The following MBD1 variants were observed in gnomAD, a reference collection of about 807,000 sequenced individuals.
MBD1 encodes the protein methyl-CpG-binding domain protein 1.
In MBD1, 25 loss-of-function variants were observed where a neutral mutation model predicts 82.6. The observed-to-expected ratio is 0.30, with a 90% confidence interval of 0.22 to 0.42. The LOEUF is 0.42. Among genes scored for constraint, MBD1 ranks in the 10% least tolerant of loss-of-function variants. MBD1 has a pLI of 1.00. For synonymous variants in MBD1, 301 were observed against 303.7 expected (o/e 0.99, Z 0.09); for missense variants, 627 against 819.6 (o/e 0.76, Z 2.87).
chr18:50,268,626 G>C (rs1259934811), downstream of MBD1, among the ~76,000 whole-genome samples: 1 of 152,204 alleles, frequency 6.6e-6, no homozygotes, highest in Non-Finnish European at 1.5e-5. Flanking sequence ...GCCCCCTGGC[G>C]GACCCACCAG....
intron 15 of MBD1, 39 bp from the exon 16 acceptor site, chr18:50,271,579 T>A: frequency 6.2e-7 from 1 of 1,613,300 alleles, no homozygotes; most frequent in Admixed American, 1.7e-5. Context: ...TGAATGAGGT[T>A]TGCTATGTGC....
chr18:50,270,107 C>T (rs1327319698), intron 16 of MBD1: 7 of 1,598,290 alleles, frequency 4.4e-6, no homozygotes, highest in Non-Finnish European at 8.5e-7. Flanking sequence ...AAAGCAGTAT[C>T]AGTCTATCCA....
Position 50,269,643 on chromosome 18 carries a change from A to T in MBD1, c.*208T>A. On this transcript the variant is annotated 3_prime_UTR_variant, in exon 17 of 17. Coordinates refer to ENST00000269468, the MANE Select transcript of MBD1 (RefSeq NM_015846.4). ...CAGATGCATATTTAACTCTGTGAGGAAGGGCACCAGCTTCTTCTGCAGGAC... is the reference window on the plus strand; with the variant it reads ...CAGATGCATATTTAACTCTGTGAGGTAGGGCACCAGCTTCTTCTGCAGGAC... 1 of 742,716 alleles carries T rather than the reference A, an allele frequency of 1.3e-6. No homozygotes were observed. Among genetic ancestry groups the T allele is most frequent in the Non-Finnish European group, 2.5e-6 (1 of 396,720 alleles). 46.0% of individuals were successfully genotyped at this position (742,716 alleles called of 1,614,324 possible). A position where few individuals can be genotyped will look rare whatever the true frequency, so the allele number is the denominator to read the frequency against.
At chr18:50,268,219 C>T (rs569436684), downstream of MBD1, among the ~76,000 whole-genome samples, 3 of 152,030 alleles carry the variant, frequency 2.0e-5, no homozygotes, top group Non-Finnish European at 2.9e-5. Flanking sequence ...ACGCCTTGGG[C>T]CCGAAGTACG....
intron 6 of MBD1, 44 bp from the exon 7 acceptor site, chr18:50,276,025 G>T (rs1261389494): frequency 2.5e-6 from 4 of 1,595,144 alleles, no homozygotes; most frequent in Non-Finnish European, 3.4e-6. Context: ...TGCTCCAGAA[G>T]CACTGGTCCT....
chr18:50,272,878 ATCATCCTTGTTC>A lies in MBD1; in HGVS notation c.1650_1661del (p.Glu550_Asp553del). Reference sequence around the variant, plus strand: ...CCTCTGGGGCCAATTTGGAGGCAGAATCATCCTTGTTCTCCTCCTTGTCCTCCTCTGGGTCAG... The same window carrying A: ...CCTCTGGGGCCAATTTGGAGGCAGAATCCTCCTTGTCCTCCTCTGGGTCAG... On this transcript the variant is annotated inframe_deletion, in exon 14 of 17. Coordinates refer to ENST00000269468, the MANE Select transcript of MBD1 (RefSeq NM_015846.4). The A allele has an allele frequency of 6.2e-7, 1 of 1,614,188 alleles. No homozygotes were observed. The highest frequency in any genetic ancestry group is 8.5e-7 in the Non-Finnish European group (1 of 1,180,020).
At chr18:50,280,866 A>G (rs1403922422) in intron 1 of MBD1, among the ~76,000 whole-genome samples, 2 of 151,902 alleles carry the variant, frequency 1.3e-5, no homozygotes, top group African/African-American at 4.8e-5. Context: ...TTCTCCCCTC[A>G]GCATTCCGAA....
Position 50,279,963 on chromosome 18 carries a change from G to C in MBD1, c.30C>G (p.Ala10=), listed in dbSNP as rs778567342. ...CGCGGCGCTTCCAGCCAGGGCCCAG[G>C]GCCGGGCAGTCCAGCCAGTCCTCAG... The part of the protein sequence containing the change: MAEDWLDCP[A]LGPGWKRREV... The change falls in exon 2 of 17, where the codon GCC becomes GCG. Residue 10 remains alanine (A), a synonymous_variant. Transcript: ENST00000269468. 6.2e-7 allele frequency: 1 copy of C among 1,611,566 alleles called. No individual in the cohort carries two copies. The highest frequency in any genetic ancestry group is 8.5e-7 in the Non-Finnish European group (1 of 1,179,888).
Position 50,276,889 on chromosome 18 carries a change from G to C in MBD1, c.335C>G (p.Pro112Arg). Residue 112 changes from proline (P) to arginine (R), a missense_variant, in exon 4 of 17, where the codon CCG becomes CGG. Physicochemically the swap from Pro to Arg is moderately radical, Grantham distance 103. Around this residue, in one of 6 missense-constraint regions of MBD1, gnomAD observed 75 missense variants for 74.7 expected, o/e 1.00. Transcript: ENST00000269468. ...PQSGEVRKEA[P>R]RDETKADTDT... ...AGTGTCAGCCTTGGTCTCATCCCTC[G>C]GGGCCTCCTTCCTGACCTCACCACT... 2 of 1,614,208 alleles carry C rather than the reference G, an allele frequency of 1.2e-6. No homozygotes were observed. Among genetic ancestry groups the C allele is most frequent in the Non-Finnish European group, 1.7e-6 (2 of 1,180,034 alleles).
At chr18:50,272,635 C>T (rs766309597) in intron 15 of MBD1, 42 bp downstream of exon 15, 34 of 1,611,132 alleles carry the variant, frequency 2.1e-5, no homozygotes, top group Non-Finnish European at 2.7e-5. Context: ...CACATCTGGC[C>T]AACACCCACT....
chr18:50,275,062 G>A lies in MBD1; in HGVS notation c.910-17C>T. 6.2e-7 allele frequency: 1 copy of A among 1,613,824 alleles called. No individual in the cohort carries two copies. Among genetic ancestry groups the A allele is most frequent in the Non-Finnish European group, 8.5e-7 (1 of 1,179,734 alleles). ...TCTGGGGTGCTGTAGAGGCAAATGG[G>A]GTGGGGTCAGGGCAGGTACTGGGTA... On this transcript the variant is annotated splice_polypyrimidine_tract_variant and intron_variant, in intron 9 of 16. Coordinates refer to ENST00000269468, the MANE Select transcript of MBD1 (RefSeq NM_015846.4).
In MBD1 at chr18:50,275,590, C is replaced by A. The variant is rs749240996; in HGVS notation, c.792+10G>T. ...GCAGAATGAGCTCTGCTCCCTCCAG[C>A]CCAACTCACCCGTAGGCAACGTCGC... On this transcript the variant is annotated intron_variant, in intron 8 of 16. Coordinates refer to ENST00000269468, the MANE Select transcript of MBD1 (RefSeq NM_015846.4). 2 of 1,614,168 alleles carry A rather than the reference C, an allele frequency of 1.2e-6. No individual in the cohort carries two copies. The highest frequency in any genetic ancestry group is 1.7e-5 in the Admixed American group (1 of 60,036).
intron 8 of MBD1, 130 bp downstream of exon 8, chr18:50,275,470 G>A (rs776204068): frequency 6.3e-7 from 1 of 1,593,454 alleles, no homozygotes; most frequent in Non-Finnish European, 8.6e-7. Flanking sequence ...AGGTAGGCGG[G>A]GCCAGAAAGG....
chr18:50,276,297 C>G (rs1266664752), intron 6 of MBD1, 81 bp downstream of exon 6: 6 of 1,418,170 alleles, frequency 4.2e-6, no homozygotes, highest in African/African-American at 2.8e-5. Context: ...GTGGACCCAT[C>G]ATCATCCCTT....
intron 1 of MBD1, 80 bp downstream of exon 1, chr18:50,281,282 TC>T: frequency 6.9e-7 from 1 of 1,451,970 alleles, no homozygotes; most frequent in Non-Finnish European, 9.3e-7. Flanking sequence ...CCTTCATTCC[TC>T]CCCGTCAGCG....
At chr18:50,273,179 G>T in intron 13 of MBD1, 155 bp downstream of exon 13, 1 of 1,272,878 alleles carries the variant, frequency 7.9e-7, no homozygotes. Flanking sequence ...GCCTGTGGGA[G>T]GTAGGGTGTC....
rs760031247 is a variant in MBD1, at chr18:50,275,013, G to C, written c.942C>G (p.Ala314=). The change falls in exon 10 of 17, where the codon GCC becomes GCG. Residue 314 remains alanine (A), a synonymous_variant. Coordinates refer to ENST00000269468, the MANE Select transcript of MBD1 (RefSeq NM_015846.4). Reference sequence around the variant, plus strand: ...CGTCTACACAGTAATAGATGAACTCGGCAGGTGGCGAGGGGGCCAGGGCTC... The same window carrying C: ...CGTCTACACAGTAATAGATGAACTCCGCAGGTGGCGAGGGGGCCAGGGCTC... The part of the protein sequence containing the change: ...HPRALAPSPP[A]EFIYYCVDED... 6 of 1,614,072 alleles carry C rather than the reference G, an allele frequency of 3.7e-6. No individual in the cohort carries two copies. The highest frequency in any genetic ancestry group is 5.1e-6 in the Non-Finnish European group (6 of 1,180,048).
At chr18:50,271,033 C>A in intron 16 of MBD1, 1 of 1,011,972 alleles carries the variant, frequency 9.9e-7, no homozygotes, top group Non-Finnish European at 1.2e-6. Context: ...CACAGAGGAA[C>A]ACACCAAATA....
chr18:50,269,415 C>T lies in MBD1; in HGVS notation c.*436G>A, dbSNP rs553035557. 3.4e-5 allele frequency: 33 copies of T among 978,214 alleles called. No homozygotes were observed. Among genetic ancestry groups the T allele is most frequent in the Middle Eastern group, 6.7e-4 (2 of 3,004 alleles). The allele number at this position is 978,214 out of a possible 1,614,324, so 60.6% of individuals were successfully genotyped here. A position where few individuals can be genotyped will look rare whatever the true frequency, so the allele number is the denominator to read the frequency against. On this transcript the variant is annotated 3_prime_UTR_variant, in exon 17 of 17. Coordinates refer to ENST00000269468, the MANE Select transcript of MBD1 (RefSeq NM_015846.4). Reference sequence around the variant, plus strand: ...CACAAGAGACATTTTGCTTGATAACCGGAGGGCGGAAGTGAAGCAGCAGCA... The same window carrying T: ...CACAAGAGACATTTTGCTTGATAACTGGAGGGCGGAAGTGAAGCAGCAGCA...
Sources: allele counts gnomAD v4.1 joint callset (sites outside exome capture counted in the v4.1 genomes callset), GRCh38; gene constraint gnomAD v4.1.1; regional missense constraint gnomAD v4.1.1; transcripts MANE v1.5; gene names NCBI Gene and HGNC (gene_info 2026-07-23, HGNC 2026-07-21).